TAS2R1: variants seen among roughly 807,000 people sequenced by gnomAD.
TAS2R1 encodes taste receptor type 2 member 1.
For missense variants in TAS2R1, 370 were observed against 353.4 expected (o/e 1.05, Z -0.38); for synonymous variants, 141 against 134.2 (o/e 1.05, Z -0.35).
intron 1 of TAS2R1, among the ~76,000 whole-genome samples, chr5:9,698,977 C>T (rs557901360): frequency 2.6e-4 from 40 of 152,176 alleles, no homozygotes; most frequent in South Asian, 6.2e-4. Flanking sequence ...GGAGTGGCAT[C>T]CTGTTTCTGT....
the TAS2R1 span, among the ~76,000 whole-genome samples, chr5:9,792,727 T>G: frequency 6.6e-6 from 1 of 152,140 alleles, no homozygotes; most frequent in African/African-American, 2.4e-5. Flanking sequence ...GAAAGTGGTA[T>G]GTATGATGAA....
intron 1 of TAS2R1, among the ~76,000 whole-genome samples, chr5:9,694,976 C>T (rs575383318): frequency 4.6e-5 from 7 of 152,272 alleles, no homozygotes; most frequent in African/African-American, 1.4e-4. Flanking sequence ...ATCCTTTCTC[C>T]TTCCAGTTCA....
At chr5:9,643,378 T>C (rs1364228694) in intron 2 of TAS2R1, among the ~76,000 whole-genome samples, 1 of 152,140 alleles carries the variant, frequency 6.6e-6, no homozygotes, top group African/African-American at 2.4e-5. Flanking sequence ...ATTATTTGTG[T>C]AGCTAAACAT....
the TAS2R1 span, among the ~76,000 whole-genome samples, chr5:9,896,823 T>C: frequency 6.6e-6 from 1 of 152,166 alleles, no homozygotes; most frequent in Non-Finnish European, 1.5e-5. Flanking sequence ...TCCAATCCCA[T>C]GAACACAGCA....
chr5:9,738,628 A>G, the TAS2R1 span, among the ~76,000 whole-genome samples: 1 of 152,190 alleles, frequency 6.6e-6, no homozygotes, highest in Admixed American at 6.5e-5. Context: ...TGGGTGATCA[A>G]CCTGCTGATT....
the TAS2R1 span, among the ~76,000 whole-genome samples, chr5:9,797,887 C>T: frequency 6.6e-6 from 1 of 152,164 alleles, no homozygotes; most frequent in African/African-American, 2.4e-5. Context: ...CAGCACCCTA[C>T]ATAAGTCATG....
the TAS2R1 span, among the ~76,000 whole-genome samples, chr5:9,841,994 A>T: frequency 6.6e-6 from 1 of 152,300 alleles, no homozygotes; most frequent in South Asian, 2.1e-4. Flanking sequence ...TCTTTCTTTG[A>T]CCTAGAAGTC....
intron 1 of TAS2R1, among the ~76,000 whole-genome samples, chr5:9,673,049 C>T (rs771206948): frequency 6.6e-6 from 1 of 152,144 alleles, no homozygotes; most frequent in Non-Finnish European, 1.5e-5. Context: ...GAAAAGAAAA[C>T]CACATATTGC....
the TAS2R1 span, among the ~76,000 whole-genome samples, chr5:9,869,627 G>T: frequency 0.019 from 2,874 of 152,286 alleles, 75 homozygotes; most frequent in African/African-American, 0.064. Context: ...GCTCTAATAA[G>T]CTTCAATAAT....
At chr5:9,880,676 TC>T in the TAS2R1 span, among the ~76,000 whole-genome samples, 1 of 152,028 alleles carries the variant, frequency 6.6e-6, no homozygotes, top group Non-Finnish European at 1.5e-5. Flanking sequence ...AGCAAAAGTG[TC>T]CCCAGTGAGA....
chr5:9,900,814 G>A, the TAS2R1 span, among the ~76,000 whole-genome samples: 14 of 151,808 alleles, frequency 9.2e-5, no homozygotes, highest in African/African-American at 3.1e-4. Context: ...TAGTAGAGAC[G>A]GGGTTTCACC....
the TAS2R1 span, among the ~76,000 whole-genome samples, chr5:9,789,308 C>G: frequency 6.6e-6 from 1 of 152,138 alleles, no homozygotes; most frequent in Non-Finnish European, 1.5e-5. Flanking sequence ...TGCTTTAAAC[C>G]TGGCACAATT....
At chr5:9,744,954 A>G in the TAS2R1 span, among the ~76,000 whole-genome samples, 2 of 152,184 alleles carry the variant, frequency 1.3e-5, no homozygotes, top group African/African-American at 4.8e-5. Flanking sequence ...TGTTTGAAAA[A>G]CGAAGATGGA....
chr5:9,676,164 T>C (rs1018425805), intron 1 of TAS2R1, among the ~76,000 whole-genome samples: 1 of 152,216 alleles, frequency 6.6e-6, no homozygotes, highest in Non-Finnish European at 1.5e-5. Flanking sequence ...TTGATTTGCA[T>C]ACATTGAACC....
chr5:9,683,821 G>T (rs1741074461), intron 1 of TAS2R1, among the ~76,000 whole-genome samples: 1 of 152,182 alleles, frequency 6.6e-6, no homozygotes, highest in African/African-American at 2.4e-5. Context: ...ACATAGCTGT[G>T]TGTAGATGCC....
chr5:9,749,027 T>G, the TAS2R1 span, among the ~76,000 whole-genome samples: 3 of 152,274 alleles, frequency 2.0e-5, no homozygotes, highest in South Asian at 6.2e-4. Flanking sequence ...GGCTTTTAGC[T>G]AAATCTTTTT....
At chr5:9,876,794 A>T in the TAS2R1 span, among the ~76,000 whole-genome samples, 1 of 152,242 alleles carries the variant, frequency 6.6e-6, no homozygotes, top group African/African-American at 2.4e-5. Flanking sequence ...CAGAAGAAAC[A>T]TCAGGAGTGG....
the TAS2R1 span, among the ~76,000 whole-genome samples, chr5:9,762,288 G>C: frequency 6.6e-6 from 1 of 152,064 alleles, no homozygotes; most frequent in Non-Finnish European, 1.5e-5. Context: ...CAAAATACCT[G>C]CTCAAAGGAA....
intron 1 of TAS2R1, among the ~76,000 whole-genome samples, chr5:9,707,936 GCTT>G (rs1381221544): frequency 1.3e-5 from 2 of 152,070 alleles, no homozygotes; most frequent in Non-Finnish European, 2.9e-5. Context: ...TCTGCCTGGA[GCTT>G]CTTCTCACCA....
Sources: allele counts gnomAD v4.1 joint callset (sites outside exome capture counted in the v4.1 genomes callset), GRCh38; gene constraint gnomAD v4.1.1; transcripts MANE v1.5; gene names NCBI Gene and HGNC (gene_info 2026-07-23, HGNC 2026-07-21).